The following MPZL1 variants were observed in gnomAD, a reference collection of about 807,000 sequenced individuals.
MPZL1 encodes myelin protein zero-like protein 1.
A neutral mutation model predicts 29.3 loss-of-function variants in MPZL1; 16 were observed. That is an observed-to-expected ratio of 0.55 (90% confidence interval 0.37 to 0.83). MPZL1 has a LOEUF of 0.83. MPZL1 is among the 40% of genes least tolerant of loss of function. The pLI is 0.00. For synonymous variants in MPZL1, 143 were observed against 132.0 expected, an observed-to-expected ratio of 1.08 and a Z score of -0.57; for missense variants, 279 against 332.9, an observed-to-expected ratio of 0.84 and a Z score of 1.26.
intron 5 of MPZL1, among the ~76,000 whole-genome samples, chr1:167,776,441 G>A (rs1024066576): frequency 6.6e-6 from 1 of 152,184 alleles, no homozygotes; most frequent in African/African-American, 2.4e-5. Flanking sequence ...GCCTCAAGCA[G>A]AATTAGGAAA....
intron 1 of MPZL1, among the ~76,000 whole-genome samples, chr1:167,764,009 C>T (rs1162173376): frequency 6.6e-6 from 1 of 152,076 alleles, no homozygotes; most frequent in Non-Finnish European, 1.5e-5. Flanking sequence ...GTTAAGTCTT[C>T]AAGGAGAAAA....
intron 2 of MPZL1, among the ~76,000 whole-genome samples, chr1:167,769,636 T>G (rs1661196625): frequency 6.6e-6 from 1 of 152,222 alleles, no homozygotes; most frequent in African/African-American, 2.4e-5. Flanking sequence ...GCCAACTAAC[T>G]TTGTTAGCTT....
intron 1 of MPZL1, among the ~76,000 whole-genome samples, chr1:167,732,079 G>A (rs934646029): frequency 3.9e-5 from 6 of 152,098 alleles, no homozygotes; most frequent in African/African-American, 1.4e-4. Flanking sequence ...TTTGATTGTG[G>A]GATGCTGCCC....
chr1:167,739,433 G>T (rs1003586163), intron 1 of MPZL1, among the ~76,000 whole-genome samples: 1 of 151,496 alleles, frequency 6.6e-6, no homozygotes, highest in African/African-American at 2.4e-5. Context: ...GAATTTATTG[G>T]TGGTGTGCAG....
intron 5 of MPZL1, among the ~76,000 whole-genome samples, chr1:167,781,332 A>G (rs751002078): frequency 1.3e-5 from 2 of 152,178 alleles, no homozygotes; most frequent in African/African-American, 2.4e-5. Context: ...AATTAACCAA[A>G]TATAGACCAT....
intron 1 of MPZL1, 109 bp downstream of exon 1, chr1:167,722,351 G>T: frequency 8.2e-7 from 1 of 1,226,026 alleles, no homozygotes; most frequent in Non-Finnish European, 1.0e-6. Flanking sequence ...AGCCGAGGTG[G>T]GGAGGGGGCG....
intron 1 of MPZL1, among the ~76,000 whole-genome samples, chr1:167,745,302 A>G (rs1660622358): frequency 6.6e-6 from 1 of 152,056 alleles, no homozygotes; most frequent in Non-Finnish European, 1.5e-5. Flanking sequence ...TTACAAATAT[A>G]TTTTTAAGTG....
intron 1 of MPZL1, among the ~76,000 whole-genome samples, chr1:167,761,402 G>C (rs1660985247): frequency 6.6e-6 from 1 of 152,212 alleles, no homozygotes; most frequent in Non-Finnish European, 1.5e-5. Flanking sequence ...ATGTGCAGTG[G>C]AGAGGTTCAT....
At chr1:167,744,756 T>A (rs1489129080) in intron 1 of MPZL1, among the ~76,000 whole-genome samples, 2 of 151,924 alleles carry the variant, frequency 1.3e-5, no homozygotes, top group African/African-American at 4.8e-5. Flanking sequence ...ATATAGACCT[T>A]AATAAAAGTT....
intron 1 of MPZL1, among the ~76,000 whole-genome samples, chr1:167,728,860 A>T (rs1352755974): frequency 6.6e-6 from 1 of 152,226 alleles, no homozygotes. Context: ...TGTTAGGAGC[A>T]TGCTGCAACC....
In MPZL1 at chr1:167,731,434, C is replaced by CTT. The variant is rs1255648939; in HGVS notation, c.91+9211_91+9212dup. 1.0e-2 allele frequency among the ~76,000 whole-genome samples: 1,211 copies of CTT among 121,568 alleles called. 40 individuals are homozygous for CTT. The highest frequency in any genetic ancestry group is 0.035 in the East Asian group (139 of 3,996). The allele number at this position is 121,568 out of a possible 152,430, so 79.8% of individuals were successfully genotyped here. On this transcript the variant is annotated intron_variant, in intron 1 of 5. Coordinates refer to ENST00000359523, the MANE Select transcript of MPZL1 (RefSeq NM_003953.6). Reference sequence around the variant, plus strand: ...CCTGGGCGACAGAGTAAAACTGTGTCTTTTTTTTTTTTTTTTTTTTGAGAC... The same window carrying CTT: ...CCTGGGCGACAGAGTAAAACTGTGTCTTTTTTTTTTTTTTTTTTTTTTGAGAC...
In MPZL1 at chr1:167,738,215, C is replaced by T. The variant is rs912090077; in HGVS notation, c.91+15973C>T. Among the ~76,000 whole-genome samples, 127 of 151,996 alleles carry T rather than the reference C, an allele frequency of 8.4e-4. 1 individual carries two copies. The highest frequency in any genetic ancestry group is 2.9e-3 in the African/African-American group (118 of 41,292). The stretch of plus-strand genomic sequence containing the variant: ...CTAGGATTATAGGAGTGAGCCACCG[C>T]GCCTGGCCAAGATTTCTTGTTTTAA... On this transcript the variant is annotated intron_variant, in intron 1 of 5. Transcript: ENST00000359523.
chr1:167,739,282 C>CATATATACATATATATACATATATAT (rs1387652331), intron 1 of MPZL1, among the ~76,000 whole-genome samples: 1 of 90,442 alleles, frequency 1.1e-5, no homozygotes, highest in Non-Finnish European at 2.0e-5. Flanking sequence ...TACATATATA[C>CATATATACATATATATACATATATAT]ATATATATAT....
chr1:167,767,737 G>A (rs778318710), intron 2 of MPZL1, among the ~76,000 whole-genome samples: 2 of 149,300 alleles, frequency 1.3e-5, no homozygotes, highest in Admixed American at 6.6e-5. Context: ...ATGGCCTTGG[G>A]ATCCACATGT....
chr1:167,783,310 T>G (rs1661530563), intron 5 of MPZL1, among the ~76,000 whole-genome samples: 1 of 152,222 alleles, frequency 6.6e-6, no homozygotes, highest in Admixed American at 6.5e-5. Context: ...GTTTAGAGTG[T>G]TAAGGCACTG....
rs114079725 is a variant in MPZL1 at position 167,748,986 on chromosome 1, A to C, written c.92-16597A>C. 2.6e-3 allele frequency among the ~76,000 whole-genome samples: 398 copies of C among 152,342 alleles called. 2 individuals are homozygous for C. Among genetic ancestry groups the C allele is most frequent in the African/African-American group, 9.2e-3 (382 of 41,580 alleles). On this transcript the variant is annotated intron_variant, in intron 1 of 5. Coordinates refer to ENST00000359523, the MANE Select transcript of MPZL1 (RefSeq NM_003953.6). Reference sequence around the variant, plus strand: ...ACATTTGGGTTTGGAAATTATCTCAAAATGACATTGTGGCTTGAAAGTTGT... The same window carrying C: ...ACATTTGGGTTTGGAAATTATCTCACAATGACATTGTGGCTTGAAAGTTGT...
At chr1:167,722,336 C>T in intron 1 of MPZL1, 94 bp downstream of exon 1, 1 of 1,227,778 alleles carries the variant, frequency 8.1e-7, no homozygotes, top group Non-Finnish European at 1.0e-6. Context: ...GGCGCGCGCA[C>T]TGAGAGCCGA....
chr1:167,772,126 G>A, intron 2 of MPZL1, 149 bp from the exon 3 acceptor site: 1 of 680,164 alleles, frequency 1.5e-6, no homozygotes, highest in Admixed American at 2.8e-5. Flanking sequence ...GAAAAAAGGA[G>A]GAGAGAGAGG....
chr1:167,747,283 C>T lies in MPZL1; in HGVS notation c.92-18300C>T, dbSNP rs111352529. On this transcript the variant is annotated intron_variant, in intron 1 of 5. Coordinates refer to ENST00000359523, the MANE Select transcript of MPZL1 (RefSeq NM_003953.6). ...TCGTCTAGGCCGGAGTGCAGTGGTG[C>T]GATCTCAGCTCACAGCAGCCTCAAC... 8.4e-3 allele frequency among the ~76,000 whole-genome samples: 1,276 copies of T among 152,226 alleles called. 15 individuals carry two copies. The highest frequency in any genetic ancestry group is 0.028 in the African/African-American group (1,163 of 41,526).
Sources: allele counts gnomAD v4.1 joint callset (sites outside exome capture counted in the v4.1 genomes callset), GRCh38; gene constraint gnomAD v4.1.1; transcripts MANE v1.5; gene names NCBI Gene and HGNC (gene_info 2026-07-23, HGNC 2026-07-21).